The following KIAA0319L variants were observed in gnomAD, a reference collection of about 807,000 sequenced individuals.
KIAA0319L encodes the protein KIAA0319 like.
KIAA0319L carries 55 observed loss-of-function variants against 120.1 expected under a neutral mutation model. The ratio of observed to expected loss-of-function variants is 0.46; its 90% confidence interval spans 0.37 to 0.57. The LOEUF is 0.57. Ranked by LOEUF, KIAA0319L falls within the 20% of genes least tolerant of loss-of-function variation. The probability of loss-of-function intolerance (pLI) is 0.00; values close to 1 mark genes in which losing one functional copy is unlikely to be tolerated. For synonymous variants in KIAA0319L, 398 were observed against 471.9 expected, an observed-to-expected ratio of 0.84 and a Z score of 2.03; for missense variants, 1,049 against 1,255.3, an observed-to-expected ratio of 0.84 and a Z score of 2.48.
chr1:35,512,983 T>C (rs1441469670), intron 2 of KIAA0319L, among the ~76,000 whole-genome samples: 1 of 151,440 alleles, frequency 6.6e-6, no homozygotes, highest in Non-Finnish European at 1.5e-5. Flanking sequence ...CCTATTTTTA[T>C]AAATAAATTT....
intron 2 of KIAA0319L, among the ~76,000 whole-genome samples, chr1:35,521,608 T>C (rs1304770968): frequency 1.3e-5 from 2 of 151,132 alleles, no homozygotes; most frequent in Non-Finnish European, 2.9e-5. Flanking sequence ...CACTCCAGCC[T>C]GGGTGACGGA....
chr1:35,462,944 G>A (rs913936280), intron 7 of KIAA0319L, among the ~76,000 whole-genome samples: 6 of 152,098 alleles, frequency 3.9e-5, no homozygotes, highest in African/African-American at 1.4e-4. Context: ...AGACCATCAG[G>A]GATTAGAGCC....
chr1:35,512,728 G>A (rs1287554828), intron 2 of KIAA0319L, among the ~76,000 whole-genome samples: 1 of 151,926 alleles, frequency 6.6e-6, no homozygotes, highest in Non-Finnish European at 1.5e-5. Context: ...AATTAACTGG[G>A]CATGGTGGCA....
chr1:35,547,493 C>G (rs1221095812), intron 2 of KIAA0319L, among the ~76,000 whole-genome samples: 3 of 151,960 alleles, frequency 2.0e-5, no homozygotes, highest in African/African-American at 7.3e-5. Flanking sequence ...AACCCAATGT[C>G]CATCAACTGA....
chr1:35,537,615 T>TAAAAAA (rs58080321), intron 2 of KIAA0319L, among the ~76,000 whole-genome samples: 1 of 102,938 alleles, frequency 9.7e-6, no homozygotes, highest in East Asian at 2.9e-4. Context: ...TAAGCGCCAT[T>TAAAAAA]AAAAAAAAAA....
intron 3 of KIAA0319L, among the ~76,000 whole-genome samples, chr1:35,479,552 G>A (rs916580205): frequency 6.6e-6 from 1 of 152,098 alleles, no homozygotes; most frequent in Admixed American, 6.5e-5. Context: ...AATAGCCCTT[G>A]TGGATCCAAA....
At chr1:35,446,009 C>G (rs1343441298) in intron 16 of KIAA0319L, among the ~76,000 whole-genome samples, 1 of 152,210 alleles carries the variant, frequency 6.6e-6, no homozygotes, top group Non-Finnish European at 1.5e-5. Context: ...TTCCTACTCC[C>G]AGGCTGCTGA....
intron 3 of KIAA0319L, among the ~76,000 whole-genome samples, chr1:35,490,919 T>C (rs1462773825): frequency 1.3e-5 from 2 of 152,210 alleles, no homozygotes; most frequent in African/African-American, 4.8e-5. Context: ...CTCTCTTTCC[T>C]GCATGTGAAG....
intron 2 of KIAA0319L, among the ~76,000 whole-genome samples, chr1:35,550,850 T>C (rs1036938896): frequency 6.6e-5 from 10 of 152,174 alleles, no homozygotes; most frequent in African/African-American, 2.4e-4. Context: ...TAGAGACGTG[T>C]GCCACCACAC....
chr1:35,488,028 G>C (rs759623884), intron 3 of KIAA0319L, among the ~76,000 whole-genome samples: 1 of 152,108 alleles, frequency 6.6e-6, no homozygotes, highest in Non-Finnish European at 1.5e-5. Context: ...CTCTGTTTTT[G>C]CCACCATAAG....
intron 6 of KIAA0319L, 69 bp from the exon 7 acceptor site, chr1:35,466,764 T>A: frequency 9.1e-7 from 1 of 1,096,794 alleles, no homozygotes; most frequent in Non-Finnish European, 1.4e-6. Flanking sequence ...ATAAGATATA[T>A]CTGAACTTTC....
At chr1:35,557,501 C>G, upstream of KIAA0319L, 1 of 357,928 alleles carries the variant, frequency 2.8e-6, no homozygotes, top group South Asian at 2.0e-5. Flanking sequence ...ATGCCGGCCG[C>G]GAGACCAAGG....
At chr1:35,531,687 T>A (rs534253745) in intron 2 of KIAA0319L, among the ~76,000 whole-genome samples, 1 of 152,178 alleles carries the variant, frequency 6.6e-6, no homozygotes, top group African/African-American at 2.4e-5. Flanking sequence ...TGTCTCCACG[T>A]TGGGAAGCCC....
At chr1:35,486,334 T>C (rs375273352) in intron 3 of KIAA0319L, among the ~76,000 whole-genome samples, 242 of 132,582 alleles carry the variant, frequency 1.8e-3, no homozygotes, top group African/African-American at 6.9e-3. Context: ...CAGTGAGCCA[T>C]GATCACACCA....
At chr1:35,458,108 T>C (rs760217613) in intron 9 of KIAA0319L, among the ~76,000 whole-genome samples, 2 of 152,162 alleles carry the variant, frequency 1.3e-5, no homozygotes, top group Non-Finnish European at 2.9e-5. Context: ...GCTAATTTTT[T>C]TGTATTTTTA....
At chr1:35,480,076 G>A (rs1212927344) in intron 3 of KIAA0319L, among the ~76,000 whole-genome samples, 3 of 151,634 alleles carry the variant, frequency 2.0e-5, no homozygotes, top group Admixed American at 6.6e-5. Context: ...TCCTGAAGGA[G>A]AAGAGCCCTA....
intron 6 of KIAA0319L, 71 bp downstream of exon 6, chr1:35,470,792 A>T: frequency 7.5e-6 from 7 of 935,738 alleles, no homozygotes; most frequent in Non-Finnish European, 1.1e-5. Flanking sequence ...ACAGAAAATT[A>T]TATGATATTC....
At chr1:35,492,908 C>G (rs1219933790) in intron 3 of KIAA0319L, among the ~76,000 whole-genome samples, 1 of 152,198 alleles carries the variant, frequency 6.6e-6, no homozygotes, top group Non-Finnish European at 1.5e-5. Context: ...TCTGTAATCC[C>G]AGCACACTGG....
At chr1:35,555,364 C>T (rs1469915911) in intron 1 of KIAA0319L, among the ~76,000 whole-genome samples, 1 of 152,178 alleles carries the variant, frequency 6.6e-6, no homozygotes, top group Non-Finnish European at 1.5e-5. Flanking sequence ...CCCCTAACTC[C>T]TATCCACGGC....
Sources: gnomAD v4.1 joint callset for allele counts (sites outside exome capture counted in the v4.1 genomes callset) on GRCh38, gnomAD v4.1.1 for gene constraint, MANE v1.5 for transcripts, NCBI Gene and HGNC (gene_info 2026-07-23, HGNC 2026-07-21) for gene names.